Variants in SLC12A4 observed in about 807,000 individuals in gnomAD.
SLC12A4 encodes the protein electroneutral potassium-chloride cotransporter 1.
In SLC12A4, 84 loss-of-function variants were observed where a neutral mutation model predicts 119.2. The ratio of observed to expected loss-of-function variants is 0.70; its 90% CI spans 0.59 to 0.85. SLC12A4 has a LOEUF of 0.85. Among genes scored for constraint, SLC12A4 ranks in the 40% least tolerant of loss-of-function variants. The pLI is 0.00. For synonymous variants in SLC12A4, 599 were observed against 604.6 expected, an observed-to-expected ratio of 0.99 and a Z score of 0.14; for missense variants, 1,298 against 1,476.3, an observed-to-expected ratio of 0.88 and a Z score of 1.98.
In SLC12A4 at chr16:67,957,827, C is replaced by T. The variant is rs556219260; in HGVS notation, c.490-31G>A. 2.5e-6 allele frequency: 4 copies of T among 1,614,154 alleles called. No individual in the cohort carries two copies. In the Admixed American group the frequency reaches 6.7e-5, roughly 27 times the overall value. The stretch of plus-strand genomic sequence containing the variant: ...GGAAGGAGGGCCTGGGTGAGCGGCT[C>T]AGCTGGGTGGGCTCTGTGGGGGCAG... On this transcript the variant is annotated intron_variant, in intron 4 of 23. Transcript: ENST00000316341.
chr16:67,959,217 T>G (rs1351230997), intron 3 of SLC12A4, among the ~76,000 whole-genome samples: 1 of 152,198 alleles, frequency 6.6e-6, no homozygotes, highest in Non-Finnish European at 1.5e-5. Flanking sequence ...GGGCAGAGGC[T>G]GAGAGCACAG....
chr16:67,945,318 A>G, intron 22 of SLC12A4, 51 bp downstream of exon 22: 3 of 1,577,220 alleles, frequency 1.9e-6, no homozygotes, highest in Non-Finnish European at 2.6e-6. Flanking sequence ...GCCCCACCCC[A>G]CCTCCACCCC....
chr16:67,961,184 G>A (rs897777304), intron 3 of SLC12A4, among the ~76,000 whole-genome samples: 1 of 152,194 alleles, frequency 6.6e-6, no homozygotes, highest in Non-Finnish European at 1.5e-5. Context: ...AGTCACCTTA[G>A]ACAAGTTCCT....
At chr16:67,965,353 T>C (rs974384585) in intron 1 of SLC12A4, among the ~76,000 whole-genome samples, 1 of 152,230 alleles carries the variant, frequency 6.6e-6, no homozygotes, top group Non-Finnish European at 1.5e-5. Context: ...TGCTTCATTT[T>C]GTCAGAAAAT....
chr16:67,945,735 C>T (rs2058336623), intron 21 of SLC12A4, 29 bp downstream of exon 21: 2 of 1,602,344 alleles, frequency 1.2e-6, no homozygotes, highest in Admixed American at 1.7e-5. Context: ...CTGCCACCCG[C>T]CCTGGCGTGA....
At chr16:67,948,928 A>C (rs568883271) in intron 13 of SLC12A4, among the ~76,000 whole-genome samples, 275 of 152,266 alleles carry the variant, frequency 1.8e-3, no homozygotes, top group Non-Finnish European at 3.4e-3. Flanking sequence ...GGCCCCTGTC[A>C]AGTCTGCAGG....
chr16:67,957,899 C>A lies in SLC12A4; in HGVS notation c.488G>T (p.Cys163Phe). 6.2e-7 allele frequency: 1 copy of A among 1,614,172 alleles called. No homozygotes were observed. Among genetic ancestry groups the A allele is most frequent in the Non-Finnish European group, 8.5e-7 (1 of 1,180,018 alleles). Residue 163 changes from cysteine to phenylalanine, a missense_variant and splice_region_variant, in exon 4 of 24, where the codon TGT (cysteine) becomes TTT (phenylalanine). By Grantham distance (205) the Cys-to-Phe change is radical (BLOSUM62 -2). Transcript: ENST00000316341. Reference sequence around the variant, plus strand: ...ACCCTCCCACGCCAGGACACTCACACAACAGCAGCAGATAAGCACGATGAG... The same window carrying A: ...ACCCTCCCACGCCAGGACACTCACAAAACAGCAGCAGATAAGCACGATGAG... ...ALLIVLICCC[C>F]TLLTAISMSA...
intron 1 of SLC12A4, among the ~76,000 whole-genome samples, chr16:67,967,379 T>C (rs2030912597): frequency 6.6e-6 from 1 of 152,152 alleles, no homozygotes; most frequent in South Asian, 2.1e-4. Context: ...ATCAGTCAAA[T>C]CACCATCCTC....
At position 67,948,175 on chromosome 16, in the gene SLC12A4, C is replaced by T. The variant is rs778912550; in HGVS notation, c.1749-16G>A. On this transcript the variant is annotated splice_polypyrimidine_tract_variant and intron_variant, in intron 13 of 23. Transcript: ENST00000316341. The stretch of plus-strand genomic sequence containing the variant: ...CAGAAAGAACCTGCGGCACAGAGGG[C>T]GGTTGGCGAAGAGCAGCCTCCTCGG... 21 of 1,612,250 alleles carry T rather than the reference C, an allele frequency of 1.3e-5. No individual in the cohort carries two copies. Among genetic ancestry groups the T allele is most frequent in the Non-Finnish European group, 1.6e-5 (19 of 1,179,274 alleles).
At position 67,957,435 on chromosome 16, in the gene SLC12A4, C is replaced by T. The variant is rs150163818; in HGVS notation, c.544+307G>A. On this transcript the variant is annotated intron_variant, in intron 5 of 23. Transcript: ENST00000316341. Reference sequence around the variant, plus strand: ...CCACCCACCTCGGCCTCCCAAAGTGCTGGGATTACAGGCATGAGCCACCGC... The same window carrying T: ...CCACCCACCTCGGCCTCCCAAAGTGTTGGGATTACAGGCATGAGCCACCGC... 384 of 311,880 alleles carry T rather than the reference C, an allele frequency of 1.2e-3. 3 individuals carry two copies. Among genetic ancestry groups the T allele is most frequent in the East Asian group, 0.012 (154 of 13,108 alleles). 19.3% of individuals were successfully genotyped at this position (311,880 alleles called of 1,614,324 possible). A position where few individuals can be genotyped will look rare whatever the true frequency, so the allele number is the denominator to read the frequency against.
chr16:67,954,356 A>G (rs1030141966), intron 6 of SLC12A4: 4 of 465,868 alleles, frequency 8.6e-6, no homozygotes, highest in African/African-American at 7.9e-5. Context: ...AGCTGAATAC[A>G]ACAGTTCCTG....
At chr16:67,963,832 A>C in intron 1 of SLC12A4, 1 of 1,461,600 alleles carries the variant, frequency 6.8e-7, no homozygotes, top group Non-Finnish European at 9.2e-7. Flanking sequence ...GCACGTATGG[A>C]CACTGAGGGA....
At chr16:67,953,852 C>G (rs573339849) in intron 6 of SLC12A4, among the ~76,000 whole-genome samples, 2 of 152,218 alleles carry the variant, frequency 1.3e-5, no homozygotes, top group Non-Finnish European at 2.9e-5. Context: ...ATCCAGAAGT[C>G]CATACAGATA....
chr16:67,964,164 G>T, intron 1 of SLC12A4: 7 of 1,415,408 alleles, frequency 4.9e-6, no homozygotes, highest in Non-Finnish European at 6.5e-6. Context: ...GCCTTCTAGG[G>T]TTGCCTAAGA....
Position 67,946,644 on chromosome 16 carries a change from C to T in SLC12A4, c.2242-11G>A. 6.2e-7 allele frequency: 1 copy of T among 1,605,830 alleles called. No homozygotes were observed. The stretch of plus-strand genomic sequence containing the variant: ...CATGTTCTTGATGGTCTGTGGGGAA[C>T]ACACCCAGGGCCAATGGGAGGCCAT... On this transcript the variant is annotated splice_polypyrimidine_tract_variant and intron_variant, in intron 17 of 23. Transcript: ENST00000316341.
chr16:67,952,123 A>G, intron 7 of SLC12A4, 61 bp downstream of exon 7: 1 of 1,610,572 alleles, frequency 6.2e-7, no homozygotes, highest in Non-Finnish European at 8.5e-7. Context: ...TGGGGCATCA[A>G]AGGCTGGCTA....
intron 2 of SLC12A4, chr16:67,962,857 AAAGGCAGATT>A (rs1209133366): frequency 6.6e-6 from 1 of 152,220 alleles, no homozygotes; most frequent in Non-Finnish European, 1.5e-5. Flanking sequence ...AAGAGAAAAA[AAAGGCAGATT>A]AAGGAGTCTC....
At chr16:67,964,347 A>G (rs2030764052) in intron 1 of SLC12A4, among the ~76,000 whole-genome samples, 1 of 152,212 alleles carries the variant, frequency 6.6e-6, no homozygotes, top group Non-Finnish European at 1.5e-5. Context: ...AAATCTCGCC[A>G]AAAGGAGTGA....
intron 1 of SLC12A4, among the ~76,000 whole-genome samples, chr16:67,964,278 G>T (rs1598233142): frequency 6.6e-6 from 1 of 152,340 alleles, no homozygotes; most frequent in South Asian, 2.1e-4. Context: ...CCCGCCGCTT[G>T]CCCCAGGCAA....
Sources: gnomAD v4.1 joint callset for allele counts (sites outside exome capture counted in the v4.1 genomes callset) on GRCh38, gnomAD v4.1.1 for gene constraint, MANE v1.5 for transcripts, NCBI Gene and HGNC (gene_info 2026-07-23, HGNC 2026-07-21) for gene names.